Variants in ZSCAN20 observed in about 807,000 individuals in gnomAD.
ZSCAN20 encodes zinc finger and SCAN domain-containing protein 20.
ZSCAN20 carries 39 observed loss-of-function variants against 97.1 expected under a neutral mutation model. That is an observed-to-expected ratio of 0.40 (90% CI 0.31 to 0.52). ZSCAN20 has a LOEUF of 0.52. Ranked by LOEUF, ZSCAN20 falls within the 20% of genes least tolerant of loss-of-function variation. The pLI is 0.49. For synonymous variants in ZSCAN20, 456 were observed against 467.3 expected (o/e 0.98, Z 0.31); for missense variants, 1,115 against 1,290.4 (o/e 0.86, Z 2.08).
rs991932559 is a variant in ZSCAN20, at chr1:33,498,984, G to A, written c.*3508G>A. On this transcript the variant is annotated 3_prime_UTR_variant, in exon 8 of 8. Coordinates refer to ENST00000684572, the MANE Select transcript of ZSCAN20 (RefSeq NM_001377376.1). ...AGCAGCTGAACTCATGGTCATGGCT[G>A]CCTTGGCCTTATTGTCCACTGTAGC... Among the ~76,000 whole-genome samples, 3 of 152,206 alleles carry A rather than the reference G, an allele frequency of 2.0e-5. No individual in the cohort carries two copies. Among genetic ancestry groups the A allele is most frequent in the African/African-American group, 7.2e-5 (3 of 41,442 alleles).
chr1:33,475,291 G>A (rs1570541919), intron 1 of ZSCAN20, among the ~76,000 whole-genome samples: 1 of 152,316 alleles, frequency 6.6e-6, no homozygotes, highest in East Asian at 1.9e-4. Context: ...TGAGGATATA[G>A]TGCAGTCATA....
Position 33,489,526 on chromosome 1 carries a change from G to A in ZSCAN20, c.690G>A (p.Leu230=), listed in dbSNP as rs754166394. Residue 230 remains leucine, a synonymous_variant, in exon 5 of 8, where the codon CTG becomes CTA. Transcript: ENST00000684572. ...TCTTGTGCATCTCGCAGGAAGCCCT[G>A]GGCCCTGGCAAACATGCTGAGAAGG... The part of the protein sequence containing the change: ...WEVTAESQEA[L]GPGKHAEKEL... 17 of 1,614,086 alleles carry A rather than the reference G, an allele frequency of 1.1e-5. No homozygotes were observed. In the East Asian group the frequency reaches 1.3e-4, roughly 13 times the overall value.
At chr1:33,477,423 G>T (rs1403959847) in intron 1 of ZSCAN20, among the ~76,000 whole-genome samples, 7 of 151,884 alleles carry the variant, frequency 4.6e-5, no homozygotes. Flanking sequence ...CTTTGAGTGG[G>T]CATTTTTTAT....
At position 33,494,463 on chromosome 1, in the gene ZSCAN20, G is replaced by A. The variant is rs766324559; in HGVS notation, c.2119G>A (p.Glu707Lys). Residue 707 changes from glutamate to lysine, a missense_variant, in exon 8 of 8, where the codon GAG (glutamate) becomes AAG (lysine). By Grantham distance (56) the Glu-to-Lys change is moderately conservative (BLOSUM62 1). Around this residue, in one of 3 missense-constraint regions of ZSCAN20, gnomAD observed 554 missense variants for 584.9 expected, o/e 0.95. Coordinates refer to ENST00000684572, the MANE Select transcript of ZSCAN20 (RefSeq NM_001377376.1). ...LIDHQGLYLA[E>K]KPYKCDTCMK... The stretch of plus-strand genomic sequence containing the variant: ...TGACCATCAAGGCCTGTACCTTGCA[G>A]AGAAACCCTACAAGTGTGACACATG... The A allele has an allele frequency of 8.7e-6, 14 of 1,613,990 alleles. No individual in the cohort carries two copies. Among genetic ancestry groups the A allele is most frequent in the Non-Finnish European group, 1.2e-5 (14 of 1,179,978 alleles).
chr1:33,477,859 A>G (rs1314687020), intron 1 of ZSCAN20, among the ~76,000 whole-genome samples: 1 of 151,980 alleles, frequency 6.6e-6, no homozygotes. Flanking sequence ...GAGAAAATGT[A>G]AGATGCTATG....
In ZSCAN20 at chr1:33,495,643, G is replaced by T. The variant is rs944322532; in HGVS notation, c.*167G>T. On this transcript the variant is annotated 3_prime_UTR_variant, in exon 8 of 8. Coordinates refer to ENST00000684572, the MANE Select transcript of ZSCAN20 (RefSeq NM_001377376.1). ...GTGAATTACAAATACTAAGGATCCAGATTTGAAGGCACTTTTAAGTGTAAT... is the reference window on the plus strand; with the variant it reads ...GTGAATTACAAATACTAAGGATCCATATTTGAAGGCACTTTTAAGTGTAAT... 109 of 556,180 alleles carry T rather than the reference G, an allele frequency of 2.0e-4. No homozygotes were observed. In the Middle Eastern group the frequency reaches 3.6e-3, roughly 18 times the overall value. The allele number at this position is 556,180 out of a possible 1,614,324, so 34.5% of individuals were successfully genotyped here.
At chr1:33,488,966 C>T in intron 3 of ZSCAN20, 149 bp from the exon 4 acceptor site, 1 of 694,844 alleles carries the variant, frequency 1.4e-6, no homozygotes. Context: ...GAGCTACACA[C>T]TCTAGAAGGG....
In ZSCAN20 at chr1:33,493,154, G is replaced by GTC; in HGVS notation, c.1445-30_1445-29dup. ...TGATGACCTAGGCACATCTCATTAAGTCTCACAGTTCTCAACTCTTCACTC... is the reference window on the plus strand; with the variant it reads ...TGATGACCTAGGCACATCTCATTAAGTCTCTCACAGTTCTCAACTCTTCACTC... On this transcript the variant is annotated intron_variant, in intron 6 of 7. Transcript: ENST00000684572. This position sits in a 1 kb window ranked among gnomAD's most constrained non-coding sequence, Gnocchi z 4.3. 1 of 1,601,654 alleles carries GTC rather than the reference G, an allele frequency of 6.2e-7. No homozygotes were observed. The highest frequency in any genetic ancestry group is 8.5e-7 in the Non-Finnish European group (1 of 1,170,730).
rs749370736 is a variant in ZSCAN20, at chr1:33,479,637, G to C, written c.349G>C (p.Glu117Gln). Residue 117 changes from glutamate to glutamine, a missense_variant, in exon 2 of 8, where the codon GAG becomes CAG. This residue lies in a region of ZSCAN20 where 508 missense variants were observed against 611.2 expected (regional missense o/e 0.83). Transcript: ENST00000684572. ...VQTWVQARHP[E>Q]SGEEAVALVE... ...GACCTGGGTGCAGGCACGCCACCCT[G>C]AGAGTGGTGAGGAGGCTGTGGCCTT... 5.6e-6 allele frequency: 9 copies of C among 1,609,712 alleles called. No homozygotes were observed. Among genetic ancestry groups the C allele is most frequent in the Non-Finnish European group, 7.6e-6 (9 of 1,178,144 alleles).
chr1:33,480,351 A>C (rs1446254036), intron 2 of ZSCAN20, among the ~76,000 whole-genome samples: 1 of 152,234 alleles, frequency 6.6e-6, no homozygotes, highest in Non-Finnish European at 1.5e-5. Context: ...TCTACAAAAA[A>C]TACAAACGAA....
At chr1:33,488,333 G>A in intron 2 of ZSCAN20, 132 bp from the exon 3 acceptor site, 1 of 827,406 alleles carries the variant, frequency 1.2e-6, no homozygotes, top group Non-Finnish European at 1.9e-6. Context: ...CACTCTGATG[G>A]CTTTCTCATC....
chr1:33,493,126 C>T lies in ZSCAN20; in HGVS notation c.1445-61C>T. 2.0e-6 allele frequency: 3 copies of T among 1,532,122 alleles called. No individual in the cohort carries two copies. Among genetic ancestry groups the T allele is most frequent in the Non-Finnish European group, 2.7e-6 (3 of 1,122,208 alleles). The allele number at this position is 1,532,122 out of a possible 1,614,324, so 94.9% of individuals were successfully genotyped here. Reference sequence around the variant, plus strand: ...ATTTTGAAGGGCAGGTGACTTTATTCTCTGATGACCTAGGCACATCTCATT... The same window carrying T: ...ATTTTGAAGGGCAGGTGACTTTATTTTCTGATGACCTAGGCACATCTCATT... On this transcript the variant is annotated intron_variant, in intron 6 of 7. Transcript: ENST00000684572. The surrounding 1 kb of genome is among the most constrained non-coding windows in gnomAD (Gnocchi z 4.3).
At chr1:33,485,803 T>G (rs942171997) in intron 2 of ZSCAN20, among the ~76,000 whole-genome samples, 2 of 152,200 alleles carry the variant, frequency 1.3e-5, no homozygotes, top group African/African-American at 4.8e-5. Context: ...TCTCTATTGA[T>G]TTCCCATTTT....
chr1:33,493,713 G>T lies in ZSCAN20; in HGVS notation c.1873+98G>T. Reference sequence around the variant, plus strand: ...TCTTTTGTCTCTTAACTAAAAGAGAGAATGGGATTGAATGGGAAAAAGTAT... The same window carrying T: ...TCTTTTGTCTCTTAACTAAAAGAGATAATGGGATTGAATGGGAAAAAGTAT... On this transcript the variant is annotated intron_variant, in intron 7 of 7. Transcript: ENST00000684572. This position sits in a 1 kb window ranked among gnomAD's most constrained non-coding sequence, Gnocchi z 4.3. 3 of 1,219,878 alleles carry T rather than the reference G, an allele frequency of 2.5e-6. No individual in the cohort carries two copies. Among genetic ancestry groups the T allele is most frequent in the South Asian group, 3.1e-5 (2 of 63,674 alleles). The allele number at this position is 1,219,878 out of a possible 1,614,324, so 75.6% of individuals were successfully genotyped here.
At chr1:33,473,172 T>C (rs1570539767) in intron 1 of ZSCAN20, among the ~76,000 whole-genome samples, 1 of 152,150 alleles carries the variant, frequency 6.6e-6, no homozygotes, top group East Asian at 1.9e-4. Flanking sequence ...CTGGCTATTG[T>C]GTTCTGCCCC....
chr1:33,475,806 C>T (rs996386298), intron 1 of ZSCAN20, among the ~76,000 whole-genome samples: 4 of 147,156 alleles, frequency 2.7e-5, no homozygotes, highest in Non-Finnish European at 4.5e-5. Context: ...ATTACAGGTA[C>T]GAGCCACCAC....
At chr1:33,488,203 T>A (rs928541700) in intron 2 of ZSCAN20, among the ~76,000 whole-genome samples, 1 of 152,226 alleles carries the variant, frequency 6.6e-6, no homozygotes, top group African/African-American at 2.4e-5. Flanking sequence ...ATAATTTATC[T>A]CTTTATGAAT....
rs1421790544 is a variant in ZSCAN20, at chr1:33,495,314, A to G, written c.2970A>G (p.Arg990=). Residue 990 remains arginine (R), a synonymous_variant, in exon 8 of 8, where the codon AGA becomes AGG. Coordinates refer to ENST00000684572, the MANE Select transcript of ZSCAN20 (RefSeq NM_001377376.1). ...IHTGEKPYKC[R]ECGKCFNQSS... is the part of the protein sequence containing the mutation. ...CGGGAGAGAAGCCGTATAAGTGCAG[A>G]GAGTGTGGGAAATGCTTTAACCAGA... is the stretch of plus-strand genomic sequence containing the variant. 2 of 1,613,236 alleles carry G rather than the reference A, an allele frequency of 1.2e-6. No individual in the cohort carries two copies. The highest frequency in any genetic ancestry group is 1.7e-6 in the Non-Finnish European group (2 of 1,179,546).
At position 33,494,734 on chromosome 1, in the gene ZSCAN20, G is replaced by A. The variant is rs751896683; in HGVS notation, c.2390G>A (p.Gly797Glu). 6.2e-7 allele frequency: 1 copy of A among 1,614,064 alleles called. No individual in the cohort carries two copies. The highest frequency in any genetic ancestry group is 1.7e-5 in the Admixed American group (1 of 60,022). Residue 797 changes from glycine (G) to glutamate (E), a missense_variant, in exon 8 of 8, where the codon GGA (glycine) becomes GAA (glutamate). Around this residue, in one of 3 missense-constraint regions of ZSCAN20, gnomAD observed 554 missense variants for 584.9 expected, o/e 0.95. Transcript: ENST00000684572. ...IHTGEKPYKC[G>E]ECWKSFNQSS... The stretch of plus-strand genomic sequence containing the variant: ...ACGGGGGAAAAGCCCTATAAATGTG[G>A]AGAATGTTGGAAAAGCTTCAACCAG...
Sources: allele counts gnomAD v4.1 joint callset (sites outside exome capture counted in the v4.1 genomes callset), GRCh38; gene constraint gnomAD v4.1.1; regional missense constraint gnomAD v4.1.1; non-coding constraint Gnocchi (gnomAD v3.1); transcripts MANE v1.5; gene names NCBI Gene and HGNC (gene_info 2026-07-23, HGNC 2026-07-21).